The following TXNL4A variants were observed in gnomAD, a reference collection of about 807,000 sequenced individuals.
TXNL4A encodes thioredoxin-like protein 4A.
Under a neutral mutation model 14.6 loss-of-function variants are expected in TXNL4A, and 17 were observed. The observed-to-expected ratio is 1.16, with a 90% CI of 0.80 to 1.74. TXNL4A has a LOEUF of 1.74. Ranked by LOEUF, TXNL4A falls within the 40% of genes most tolerant of loss-of-function variation. The pLI, the probability that TXNL4A is intolerant of heterozygous loss-of-function variation, is 0.00. For missense variants in TXNL4A, 74 were observed against 195.2 expected, an observed-to-expected ratio of 0.38 and a Z score of 3.70; for synonymous variants, 83 against 70.6, an observed-to-expected ratio of 1.18 and a Z score of -0.88.
chr18:80,023,707 G>C lies in TXNL4A; in HGVS notation c.-61+10144C>G, dbSNP rs985355430. 3.9e-5 allele frequency among the ~76,000 whole-genome samples: 6 copies of C among 152,244 alleles called. No homozygotes were observed. In the South Asian group the frequency reaches 1.0e-3, roughly 26 times the overall value. Reference sequence around the variant, plus strand: ...TGAGGGATAGAAGGGACCTTACTAGGTAAAAATTTAGACTAAAATATTGAA... The same window carrying C: ...TGAGGGATAGAAGGGACCTTACTAGCTAAAAATTTAGACTAAAATATTGAA... On this transcript the variant is annotated intron_variant, in intron 1 of 2. Coordinates refer to the TXNL4A transcript ENST00000585474.
rs1203585014 is a variant in TXNL4A, at chr18:79,982,146, G to C, written c.154-4445C>G. Among the ~76,000 whole-genome samples the C allele has an allele frequency of 2.0e-5, 3 of 152,166 alleles. No homozygotes were observed. The highest frequency in any genetic ancestry group is 2.9e-5 in the Non-Finnish European group (2 of 68,030). On this transcript the variant is annotated intron_variant, in intron 1 of 2. Transcript: ENST00000269601. The surrounding 1 kb of genome is among the most constrained non-coding windows in gnomAD (Gnocchi z 4.0). Reference sequence around the variant, plus strand: ...TGGCAGGGAAATATCTGTCCTTAGAGAATTCCATGTGTAAAGAGAAAGACA... The same window carrying C: ...TGGCAGGGAAATATCTGTCCTTAGACAATTCCATGTGTAAAGAGAAAGACA...
At chr18:80,018,851 A>T (rs1478457674) in intron 1 of TXNL4A, among the ~76,000 whole-genome samples, 1 of 152,224 alleles carries the variant, frequency 6.6e-6, no homozygotes, top group Non-Finnish European at 1.5e-5. Flanking sequence ...TCGAGTTAAA[A>T]GTTCCACAGT....
At chr18:80,012,120 G>A (rs765903772) in intron 1 of TXNL4A, among the ~76,000 whole-genome samples, 3 of 152,072 alleles carry the variant, frequency 2.0e-5, no homozygotes, top group Non-Finnish European at 2.9e-5. Context: ...GGTACCCACC[G>A]GGTAGTGTGG....
At chr18:80,023,001 G>C (rs1254395556) in intron 1 of TXNL4A, among the ~76,000 whole-genome samples, 1 of 152,186 alleles carries the variant, frequency 6.6e-6, no homozygotes, top group East Asian at 1.9e-4. Context: ...TTGGACTTGG[G>C]CAAGACTCTT....
At chr18:80,008,771 TTTTC>T (rs561652448) in intron 1 of TXNL4A, among the ~76,000 whole-genome samples, 10 of 152,022 alleles carry the variant, frequency 6.6e-5, no homozygotes, top group East Asian at 1.9e-4. Context: ...TCTACTTCAT[TTTTC>T]TTTCTTTCTT....
intron 1 of TXNL4A, among the ~76,000 whole-genome samples, chr18:79,983,221 G>A (rs531154200): frequency 2.0e-5 from 3 of 152,258 alleles, no homozygotes; most frequent in East Asian, 3.9e-4. Flanking sequence ...AGCTGGTCTC[G>A]AACTCTTGAC....
intron 1 of TXNL4A, among the ~76,000 whole-genome samples, chr18:80,012,074 G>A (rs866567243): frequency 5.6e-4 from 85 of 152,174 alleles, no homozygotes; most frequent in African/African-American, 2.0e-3. Flanking sequence ...CTCTTACTCT[G>A]TCTCTTTCTA....
chr18:79,989,257 A>G (rs1414383492), upstream of TXNL4A, among the ~76,000 whole-genome samples: 1 of 152,084 alleles, frequency 6.6e-6, no homozygotes, highest in African/African-American at 2.4e-5. Context: ...TGGGACTACA[A>G]GGCGCCAGCC....
rs146383702 is a variant in TXNL4A, at chr18:80,011,904, C to A, written c.-61+21947G>T. On this transcript the variant is annotated intron_variant, in intron 1 of 2. Transcript: ENST00000585474. The surrounding 1 kb of genome is among the most constrained non-coding windows in gnomAD (Gnocchi z 4.1). The stretch of plus-strand genomic sequence containing the variant: ...CTTTGCTCGAGGAAATTCACAGAAA[C>A]CGAGACTGCTAAACATCTTATTGAG... Among the ~76,000 whole-genome samples, 430 of 152,200 alleles carry A rather than the reference C, an allele frequency of 2.8e-3. 3 individuals carry two copies. Among genetic ancestry groups the A allele is most frequent in the African/African-American group, 9.5e-3 (396 of 41,524 alleles).
chr18:80,021,334 G>A (rs2051847615), intron 1 of TXNL4A, among the ~76,000 whole-genome samples: 3 of 152,058 alleles, frequency 2.0e-5, no homozygotes, highest in Non-Finnish European at 4.4e-5. Flanking sequence ...CCGCCACCAT[G>A]CCTGGCTAAT....
At chr18:80,012,866 G>C (rs1164326372) in intron 1 of TXNL4A, among the ~76,000 whole-genome samples, 1 of 151,390 alleles carries the variant, frequency 6.6e-6, no homozygotes, top group Admixed American at 6.6e-5. Context: ...GTCCAGTGCG[G>C]AGTGCCCTTC....
intron 1 of TXNL4A, among the ~76,000 whole-genome samples, chr18:80,021,924 T>C (rs2051852118): frequency 6.6e-6 from 1 of 152,064 alleles, no homozygotes; most frequent in South Asian, 2.1e-4. Context: ...CATTGGTTTT[T>C]AATAAGGGGA....
chr18:80,001,467 A>G (rs912652932), intron 1 of TXNL4A, among the ~76,000 whole-genome samples: 1 of 152,124 alleles, frequency 6.6e-6, no homozygotes, highest in Non-Finnish European at 1.5e-5. Flanking sequence ...CCACACTGGT[A>G]GATCCATCAA....
intron 1 of TXNL4A, among the ~76,000 whole-genome samples, chr18:80,002,345 A>G (rs1021441796): frequency 6.6e-6 from 1 of 152,192 alleles, no homozygotes; most frequent in Non-Finnish European, 1.5e-5. Context: ...GTTCCACCAA[A>G]TCCAGGCTGC....
In TXNL4A at chr18:80,011,958, A is replaced by T. The variant is rs1216111165; in HGVS notation, c.-61+21893T>A. On this transcript the variant is annotated intron_variant, in intron 1 of 2. Transcript: ENST00000585474. This position sits in a 1 kb window ranked among gnomAD's most constrained non-coding sequence, Gnocchi z 4.1. ...CTAACGAGTTCTCCTTCACTGATTA[A>T]TCCTTTTCCTCATCCCTTCCTCCCC... 1.3e-5 allele frequency among the ~76,000 whole-genome samples: 2 copies of T among 152,092 alleles called. No individual in the cohort carries two copies. Among genetic ancestry groups the T allele is most frequent in the Non-Finnish European group, 2.9e-5 (2 of 68,024 alleles).
chr18:79,983,336 G>T (rs571686856), intron 1 of TXNL4A, among the ~76,000 whole-genome samples: 3 of 152,312 alleles, frequency 2.0e-5, no homozygotes, highest in Admixed American at 6.5e-5. Context: ...GCCTTGAATT[G>T]TAAGTATCTT....
chr18:79,987,401 G>C (rs1057448715), intron 1 of TXNL4A, among the ~76,000 whole-genome samples: 7 of 152,176 alleles, frequency 4.6e-5, no homozygotes, highest in Non-Finnish European at 8.8e-5. Flanking sequence ...ATCTGTGAAA[G>C]AAAAGATAGC....
Position 79,988,514 on chromosome 18 carries a change from C to A in TXNL4A, c.-122G>T. 3 of 1,085,376 alleles carry A rather than the reference C, an allele frequency of 2.8e-6. No homozygotes were observed. Among genetic ancestry groups the A allele is most frequent in the African/African-American group, 1.7e-5 (1 of 60,322 alleles). 67.2% of individuals were successfully genotyped at this position (1,085,376 alleles called of 1,614,324 possible). On this transcript the variant is annotated 5_prime_UTR_variant, in exon 1 of 3. Transcript: ENST00000269601. ...CCCGGGCCCACGGACGAAATCCGGT[C>A]CCGCCCGCACACGCAAACTCCGCTG... is the stretch of plus-strand genomic sequence containing the variant.
intron 1 of TXNL4A, among the ~76,000 whole-genome samples, chr18:80,029,626 C>G (rs1326466299): frequency 6.6e-6 from 1 of 152,162 alleles, no homozygotes; most frequent in Admixed American, 6.5e-5. Flanking sequence ...TCCATTGTGC[C>G]TACCATCCCC....
Sources: gnomAD v4.1 joint callset for allele counts (sites outside exome capture counted in the v4.1 genomes callset) on GRCh38, gnomAD v4.1.1 for gene constraint, Gnocchi (gnomAD v3.1) non-coding constraint, MANE v1.5 for transcripts, NCBI Gene and HGNC (gene_info 2026-07-23, HGNC 2026-07-21) for gene names.